Variants in SFMBT2 observed in about 807,000 individuals in gnomAD.
SFMBT2 encodes scm-like with four MBT domains protein 2.
SFMBT2 carries 38 observed loss-of-function variants against 110.1 expected under a neutral mutation model. The ratio of observed to expected loss-of-function variants is 0.35; its 90% CI spans 0.27 to 0.45. SFMBT2 has a LOEUF of 0.45. Ranked by LOEUF, SFMBT2 falls within the 20% of genes least tolerant of loss-of-function variation. The pLI is 1.00. For synonymous variants in SFMBT2, 425 were observed against 425.4 expected (o/e 1.00, Z 0.01); for missense variants, 1,011 against 1,094.9 (o/e 0.92, Z 1.08).
intron 16 of SFMBT2, among the ~76,000 whole-genome samples, chr10:7,184,638 G>A (rs1006628798): frequency 1.2e-4 from 18 of 151,948 alleles, no homozygotes; most frequent in Non-Finnish European, 1.8e-4. Flanking sequence ...GTAACAATCC[G>A]TTTATAACCA....
intron 7 of SFMBT2, among the ~76,000 whole-genome samples, chr10:7,262,210 G>T (rs984331115): frequency 6.6e-6 from 1 of 152,314 alleles, no homozygotes; most frequent in East Asian, 1.9e-4. Context: ...GGCCTAACTT[G>T]CAAAAGGATT....
At chr10:7,184,771 G>A (rs924938654) in intron 16 of SFMBT2, among the ~76,000 whole-genome samples, 5 of 152,106 alleles carry the variant, frequency 3.3e-5, no homozygotes, top group Admixed American at 2.0e-4. Flanking sequence ...AGCGGAGGAC[G>A]AGGTTCTGGT....
At chr10:7,251,692 C>T (rs1179826446) in intron 7 of SFMBT2, among the ~76,000 whole-genome samples, 1 of 152,194 alleles carries the variant, frequency 6.6e-6, no homozygotes, top group East Asian at 1.9e-4. Flanking sequence ...TTTGACAACT[C>T]AGAGGTGCCC....
chr10:7,380,761 C>T (rs987106213), intron 2 of SFMBT2, among the ~76,000 whole-genome samples: 1 of 151,836 alleles, frequency 6.6e-6, no homozygotes, highest in Non-Finnish European at 1.5e-5. Context: ...AATTAAAATC[C>T]AATCAAGGCT....
intron 7 of SFMBT2, among the ~76,000 whole-genome samples, chr10:7,250,602 C>A (rs1840774765): frequency 1.3e-5 from 2 of 152,116 alleles, no homozygotes; most frequent in South Asian, 4.1e-4. Flanking sequence ...GGGTATACAG[C>A]CACCAGTGAG....
At position 7,159,628 on chromosome 10, in the gene SFMBT2, C is replaced by G. The variant is rs1181492101; in HGVS notation, c.*4142G>C. The G allele has an allele frequency of 6.6e-6, 1 of 152,062 alleles. No homozygotes were observed. Among genetic ancestry groups the G allele is most frequent in the African/African-American group, 2.4e-5 (1 of 41,402 alleles). 9.4% of individuals were successfully genotyped at this position (152,062 alleles called of 1,614,324 possible). A position where few individuals can be genotyped will look rare whatever the true frequency, so the allele number is the denominator to read the frequency against. On this transcript the variant is annotated 3_prime_UTR_variant, in exon 21 of 21. Transcript: ENST00000397167. Reference sequence around the variant, plus strand: ...CAGGTTTCTTAATTGACTATGTTGCCTTTCAAATAATTGCACGCACGATCA... The same window carrying G: ...CAGGTTTCTTAATTGACTATGTTGCGTTTCAAATAATTGCACGCACGATCA...
At chr10:7,356,540 C>T (rs145935459) in intron 4 of SFMBT2, among the ~76,000 whole-genome samples, 5,178 of 152,220 alleles carry the variant, frequency 0.034, 128 homozygotes, top group Non-Finnish European at 0.055. Context: ...CTCAGCCTCC[C>T]AAGTAGGGAT....
chr10:7,377,898 A>G (rs1004847385), intron 2 of SFMBT2, among the ~76,000 whole-genome samples: 2 of 141,466 alleles, frequency 1.4e-5, no homozygotes, highest in Non-Finnish European at 3.0e-5. Flanking sequence ...GTGGCACGGG[A>G]GGAAAGAGTA....
chr10:7,182,586 A>G (rs1296390859), intron 16 of SFMBT2, among the ~76,000 whole-genome samples: 2 of 152,052 alleles, frequency 1.3e-5, no homozygotes, highest in Non-Finnish European at 2.9e-5. Flanking sequence ...ATGAAGCTGG[A>G]AACCATCATT....
Position 7,172,746 on chromosome 10 carries a change from G to GTTTCC in SFMBT2, c.1985-86_1985-85insGGAAA. On this transcript the variant is annotated intron_variant, in intron 17 of 20. Transcript: ENST00000397167. The surrounding 1 kb of genome is among the most constrained non-coding windows in gnomAD (Gnocchi z 4.6). Reference sequence around the variant, plus strand: ...GAGAGGAGAGAGAAAGAAGGGAAACGATTCTTTCATCTGATAGTTCATTTG... The same window carrying GTTTCC: ...GAGAGGAGAGAGAAAGAAGGGAAACGTTTCCATTCTTTCATCTGATAGTTCATTTG... The GTTTCC allele has an allele frequency of 2.1e-6, 3 of 1,431,528 alleles. No homozygotes were observed. Among genetic ancestry groups the GTTTCC allele is most frequent in the Non-Finnish European group, 2.8e-6 (3 of 1,060,288 alleles). The allele number at this position is 1,431,528 out of a possible 1,614,324, so 88.7% of individuals were successfully genotyped here.
chr10:7,339,798 AGAGGGAAGAAATAAGCCTTT>A (rs1458392432), intron 4 of SFMBT2, among the ~76,000 whole-genome samples: 2 of 152,224 alleles, frequency 1.3e-5, no homozygotes, highest in African/African-American at 4.8e-5. Flanking sequence ...CATGACTGTC[AGAGGGAAGAAATAAGCCTTT>A]GAGAATCCTC....
intron 2 of SFMBT2, 92 bp downstream of exon 2, chr10:7,381,707 A>C: frequency 7.4e-7 from 1 of 1,359,764 alleles, no homozygotes; most frequent in Non-Finnish European, 1.0e-6. Context: ...TGTGAGATCT[A>C]CAAATGTTGC....
intron 9 of SFMBT2, among the ~76,000 whole-genome samples, chr10:7,228,806 C>G (rs997655337): frequency 1.5e-5 from 2 of 133,904 alleles, no homozygotes; most frequent in Admixed American, 1.6e-4. Flanking sequence ...CTCTCTCTTT[C>G]TTTGTATTCA....
chr10:7,345,861 C>T (rs61837686), intron 4 of SFMBT2, among the ~76,000 whole-genome samples: 10,996 of 152,284 alleles, frequency 0.072, 529 homozygotes, highest in Non-Finnish European at 0.11. Flanking sequence ...CATGTCTTCA[C>T]AGCGACACAG....
chr10:7,184,151 TA>T (rs962763248), intron 16 of SFMBT2, among the ~76,000 whole-genome samples: 1 of 152,192 alleles, frequency 6.6e-6, no homozygotes, highest in Non-Finnish European at 1.5e-5. Context: ...TATGGGATGA[TA>T]AAATGCCAAA....
rs113666945 is a variant in SFMBT2, at chr10:7,388,326, G to GGATGAT, written c.-51-6383_-51-6378dup. 9.7e-3 allele frequency among the ~76,000 whole-genome samples: 1,411 copies of GGATGAT among 146,160 alleles called. 9 individuals are homozygous for GGATGAT. The highest frequency in any genetic ancestry group is 0.022 in the African/African-American group (854 of 38,706). ...CAGAAAAGATCAGGCAAACAAAGAA[G>GGATGAT]GATGATGATGATGATGATGATGATG... On this transcript the variant is annotated intron_variant, in intron 1 of 20. Coordinates refer to ENST00000397167, the MANE Select transcript of SFMBT2 (RefSeq NM_001387889.1).
intron 2 of SFMBT2, among the ~76,000 whole-genome samples, chr10:7,379,245 G>T (rs999257494): frequency 6.6e-6 from 1 of 152,112 alleles, no homozygotes; most frequent in African/African-American, 2.4e-5. Flanking sequence ...CTTCCCAGGA[G>T]AAGACCTTCA....
intron 4 of SFMBT2, among the ~76,000 whole-genome samples, chr10:7,356,777 A>G (rs1427567789): frequency 6.6e-6 from 1 of 152,214 alleles, no homozygotes; most frequent in East Asian, 1.9e-4. Context: ...CATCCTCATT[A>G]GCAAAATCTC....
intron 4 of SFMBT2, among the ~76,000 whole-genome samples, chr10:7,346,145 T>C (rs1435947727): frequency 6.6e-6 from 1 of 152,214 alleles, no homozygotes; most frequent in East Asian, 1.9e-4. Flanking sequence ...CATTTGACTA[T>C]ATGCATCCTA....
Sources: gnomAD v4.1 joint callset for allele counts (sites outside exome capture counted in the v4.1 genomes callset) on GRCh38, gnomAD v4.1.1 for gene constraint, Gnocchi (gnomAD v3.1) non-coding constraint, MANE v1.5 for transcripts, NCBI Gene and HGNC (gene_info 2026-07-23, HGNC 2026-07-21) for gene names.